Variants in DDX19B observed in about 807,000 individuals in gnomAD.
DDX19B encodes the protein DEAD-box helicase 19B.
In DDX19B, 27 loss-of-function variants were observed where a neutral mutation model predicts 58.1. The observed-to-expected ratio is 0.46, with a 90% CI of 0.34 to 0.64. The LOEUF (loss-of-function observed/expected upper bound fraction) is 0.64, where lower values mean the gene tolerates loss of function less well. Ranked by LOEUF, DDX19B falls within the 30% of genes least tolerant of loss-of-function variation. DDX19B has a pLI of 0.01. For missense variants in DDX19B, 399 were observed against 596.5 expected (o/e 0.67, Z 3.45); for synonymous variants, 187 against 214.4 (o/e 0.87, Z 1.12).
intron 1 of DDX19B, among the ~76,000 whole-genome samples, chr16:70,307,717 A>G (rs766104528): frequency 3.4e-5 from 5 of 148,508 alleles, no homozygotes; most frequent in African/African-American, 5.0e-5. Context: ...GTGTGTGTGT[A>G]TATATGTGTG....
chr16:70,315,626 TTTTTTTTTTA>T (rs889213058), intron 3 of DDX19B: 47 of 146,754 alleles, frequency 3.2e-4, no homozygotes, highest in Non-Finnish European at 4.9e-4. Flanking sequence ...TAATTCCTGT[TTTTTTTTTTA>T]TTGTTGTGAT....
At chr16:70,318,064 CAAA>C (rs549888922) in intron 5 of DDX19B, 8 of 73,738 alleles carry the variant, frequency 1.1e-4, no homozygotes, top group Non-Finnish European at 1.8e-4. Flanking sequence ...GACTTTGTCT[CAAA>C]AAAAAAAAAA....
intron 3 of DDX19B, 126 bp from the exon 4 acceptor site, chr16:70,315,843 T>C: frequency 1.5e-6 from 2 of 1,293,248 alleles, no homozygotes; most frequent in African/African-American, 1.5e-5. Context: ...GTCAAAACTA[T>C]GACGTACCTT....
upstream of DDX19B, among the ~76,000 whole-genome samples, chr16:70,292,333 ATGAGGGTTTCG>A (rs1961080875): frequency 6.6e-6 from 1 of 151,770 alleles, no homozygotes. Context: ...TCTAGTAGAG[ATGAGGGTTTCG>A]CCATGTTGGC....
chr16:70,299,050 C>T (rs1263454445), upstream of DDX19B: 2 of 996,436 alleles, frequency 2.0e-6, no homozygotes, highest in Middle Eastern at 3.5e-4. Context: ...ACTACCTCAG[C>T]TTGATAGGAA....
intron 5 of DDX19B, among the ~76,000 whole-genome samples, chr16:70,321,717 A>T (rs1428813653): frequency 1.3e-5 from 2 of 152,222 alleles, no homozygotes; most frequent in African/African-American, 4.8e-5. Context: ...AAATTTTATG[A>T]CATATATTTT....
chr16:70,313,087 C>T (rs546115391), intron 2 of DDX19B, among the ~76,000 whole-genome samples: 538 of 152,226 alleles, frequency 3.5e-3, no homozygotes, highest in Middle Eastern at 6.8e-3. Flanking sequence ...GGCTCGATCT[C>T]GGCTCACTGT....
At chr16:70,300,511 T>G (rs111447235) in intron 1 of DDX19B, among the ~76,000 whole-genome samples, 2 of 152,014 alleles carry the variant, frequency 1.3e-5, no homozygotes, top group African/African-American at 4.8e-5. Flanking sequence ...TCCAGCCTCT[T>G]TTTTCTGTTT....
intron 1 of DDX19B, among the ~76,000 whole-genome samples, chr16:70,312,172 C>G (rs1483727268): frequency 2.0e-5 from 3 of 152,086 alleles, no homozygotes; most frequent in Non-Finnish European, 4.4e-5. Context: ...TCCTCCCTTC[C>G]CAGTGTTCTC....
intron 9 of DDX19B, among the ~76,000 whole-genome samples, chr16:70,330,693 C>G (rs1392994256): frequency 6.6e-6 from 1 of 152,064 alleles, no homozygotes; most frequent in African/African-American, 2.4e-5. Context: ...GTTGGAGGAT[C>G]GCTTGAGCCC....
chr16:70,292,896 G>A (rs1211209426), upstream of DDX19B, among the ~76,000 whole-genome samples: 1 of 151,948 alleles, frequency 6.6e-6, no homozygotes, highest in Non-Finnish European at 1.5e-5. Context: ...ACCTGAGGTT[G>A]GGAGTTCAAA....
intron 2 of DDX19B, among the ~76,000 whole-genome samples, chr16:70,314,580 C>T (rs935783145): frequency 1.3e-5 from 2 of 152,042 alleles, no homozygotes; most frequent in Middle Eastern, 3.2e-3. Context: ...AAGAGAATGG[C>T]GTGAACCTGG....
rs1298536013 is a variant in DDX19B, at chr16:70,333,805, T to C, written c.*223T>C. 1.1e-5 allele frequency: 7 copies of C among 645,388 alleles called. No homozygotes were observed. Among genetic ancestry groups the C allele is most frequent in the Non-Finnish European group, 1.9e-5 (7 of 371,008 alleles). 40.0% of individuals were successfully genotyped at this position (645,388 alleles called of 1,614,324 possible). On this transcript the variant is annotated 3_prime_UTR_variant, in exon 12 of 12. Coordinates refer to ENST00000288071, the MANE Select transcript of DDX19B (RefSeq NM_007242.7). ...ACAACCTTGGAAGATTAGGCATGAA[T>C]ACACAGAGATTTACCTTTTGGAAGT...
chr16:70,312,934 C>G (rs1443625963), intron 2 of DDX19B, among the ~76,000 whole-genome samples: 5 of 152,132 alleles, frequency 3.3e-5, no homozygotes, highest in Admixed American at 2.0e-4. Flanking sequence ...GCCTCAACCT[C>G]CCAGACTCAA....
intron 1 of DDX19B, among the ~76,000 whole-genome samples, chr16:70,311,847 C>A (rs910688199): frequency 6.9e-6 from 1 of 145,238 alleles, no homozygotes; most frequent in Non-Finnish European, 1.5e-5. Flanking sequence ...CTTTTCTTTT[C>A]TTTTTTTTTT....
At chr16:70,312,321 A>G (rs964982068) in intron 1 of DDX19B, among the ~76,000 whole-genome samples, 1 of 152,218 alleles carries the variant, frequency 6.6e-6, no homozygotes, top group Non-Finnish European at 1.5e-5. Flanking sequence ...AAAGAGAGAA[A>G]GTTTATAATC....
chr16:70,301,848 G>A (rs1047689965), intron 1 of DDX19B, among the ~76,000 whole-genome samples: 2 of 151,768 alleles, frequency 1.3e-5, no homozygotes, highest in African/African-American at 4.8e-5. Flanking sequence ...TGGGACTACA[G>A]GTGCGCACCA....
At chr16:70,311,956 C>T (rs1409902999) in intron 1 of DDX19B, among the ~76,000 whole-genome samples, 2 of 152,078 alleles carry the variant, frequency 1.3e-5, no homozygotes, top group Non-Finnish European at 2.9e-5. Context: ...ATTCTCCTGC[C>T]TCAGCCTCCC....
chr16:70,290,369 C>A (rs983542585), upstream of DDX19B, among the ~76,000 whole-genome samples: 1 of 151,956 alleles, frequency 6.6e-6, no homozygotes, highest in Non-Finnish European at 1.5e-5. Flanking sequence ...AACCCCGTCT[C>A]TACTAAAAAC....
Sources: allele counts gnomAD v4.1 joint callset (sites outside exome capture counted in the v4.1 genomes callset), GRCh38; gene constraint gnomAD v4.1.1; transcripts MANE v1.5; gene names NCBI Gene and HGNC (gene_info 2026-07-23, HGNC 2026-07-21).